ITPR2: variants seen among roughly 807,000 people sequenced by gnomAD.
The protein encoded by ITPR2 is inositol 1,4,5-trisphosphate receptor type 2.
Under a neutral mutation model 317.1 loss-of-function variants are expected in ITPR2, and 207 were observed. The observed-to-expected ratio is 0.65, with a 90% confidence interval of 0.58 to 0.73. ITPR2 has a LOEUF of 0.73. Ranked by LOEUF, ITPR2 falls within the 30% of genes least tolerant of loss-of-function variation. The pLI is 0.00. For synonymous variants in ITPR2, 1,156 were observed against 1,149.1 expected, an observed-to-expected ratio of 1.01 and a Z score of -0.12; for missense variants, 2,613 against 3,284.0, an observed-to-expected ratio of 0.80 and a Z score of 4.99.
At chr12:26,418,779 G>C in intron 50 of ITPR2, among the ~76,000 whole-genome samples, 1 of 152,126 alleles carries the variant, frequency 6.6e-6, no homozygotes, top group Admixed American at 6.6e-5. Flanking sequence ...AGCAAAAGCA[G>C]CCCTTGTCAT....
At chr12:26,734,646 AAC>A (rs139712404) in intron 2 of ITPR2, among the ~76,000 whole-genome samples, 9,265 of 152,012 alleles carry the variant, frequency 0.061, 362 homozygotes, top group African/African-American at 0.12. Flanking sequence ...AAAAAAGTCT[AAC>A]ACAGGGTATT....
chr12:26,624,256 T>G, intron 24 of ITPR2, 43 bp downstream of exon 24: 1 of 1,271,254 alleles, frequency 7.9e-7, no homozygotes, highest in Non-Finnish European at 1.1e-6. Context: ...CTAAGTAAAA[T>G]GTTATTCACA....
At chr12:26,816,181 T>C (rs1950849489) in intron 1 of ITPR2, among the ~76,000 whole-genome samples, 7 of 151,762 alleles carry the variant, frequency 4.6e-5, no homozygotes, top group Admixed American at 4.6e-4. Context: ...AATATTAACT[T>C]AGCCAAGCTT....
intron 43 of ITPR2, among the ~76,000 whole-genome samples, chr12:26,479,499 A>C (rs1036866954): frequency 6.6e-6 from 1 of 152,260 alleles, no homozygotes; most frequent in Non-Finnish European, 1.5e-5. Context: ...AAGGATTTTA[A>C]AAGCCAAAGA....
chr12:26,556,792 A>AAGAT (rs1555155254), intron 35 of ITPR2, among the ~76,000 whole-genome samples: 12 of 145,944 alleles, frequency 8.2e-5, no homozygotes, highest in South Asian at 2.2e-4. Flanking sequence ...AAAAAAAAAA[A>AAGAT]TTCCAGCCAG....
chr12:26,583,523 A>C (rs1016788722), intron 32 of ITPR2, among the ~76,000 whole-genome samples: 1 of 152,090 alleles, frequency 6.6e-6, no homozygotes, highest in African/African-American at 2.4e-5. Context: ...AAGAAGAAAA[A>C]AACTCCCTCT....
chr12:26,605,403 G>C (rs948710553), intron 26 of ITPR2, among the ~76,000 whole-genome samples: 1 of 151,802 alleles, frequency 6.6e-6, no homozygotes, highest in Non-Finnish European at 1.5e-5. Context: ...TTTTCTGTAA[G>C]AGAAGAAATA....
chr12:26,661,287 G>T (rs1433924676), intron 15 of ITPR2, among the ~76,000 whole-genome samples: 1 of 87,584 alleles, frequency 1.1e-5, no homozygotes, highest in Non-Finnish European at 2.3e-5. Flanking sequence ...GGGGGGGGGG[G>T]GTGGGAGGGA....
intron 51 of ITPR2, among the ~76,000 whole-genome samples, chr12:26,412,669 G>C (rs1940585968): frequency 6.6e-6 from 1 of 152,018 alleles, no homozygotes; most frequent in Non-Finnish European, 1.5e-5. Context: ...GTGAATTCTA[G>C]GAGGGGGAAA....
chr12:26,350,337 G>A (rs1325590930), intron 55 of ITPR2, among the ~76,000 whole-genome samples: 4 of 152,140 alleles, frequency 2.6e-5, no homozygotes, highest in Non-Finnish European at 2.9e-5. Flanking sequence ...CCAGACCAGC[G>A]GGGGAGTTGG....
At chr12:26,668,807 C>CA (rs5797189) in intron 13 of ITPR2, among the ~76,000 whole-genome samples, 1,897 of 148,170 alleles carry the variant, frequency 0.013, 45 homozygotes, top group African/African-American at 0.043. Context: ...GTGGATATAC[C>CA]AAAAAAAAAA....
chr12:26,400,040 T>C, intron 53 of ITPR2, 88 bp downstream of exon 53: 1 of 1,390,852 alleles, frequency 7.2e-7, no homozygotes, highest in Non-Finnish European at 9.6e-7. Flanking sequence ...TATATTTTCC[T>C]GAAAACCAAA....
intron 23 of ITPR2, chr12:26,627,202 G>C (rs1679088179): frequency 6.6e-6 from 1 of 152,174 alleles, no homozygotes; most frequent in African/African-American, 2.4e-5. Flanking sequence ...AGTCTTTGGG[G>C]AATGCCACGT....
chr12:26,589,593 GGT>G (rs1945631589), intron 32 of ITPR2, among the ~76,000 whole-genome samples: 2 of 150,504 alleles, frequency 1.3e-5, no homozygotes, highest in Admixed American at 1.3e-4. Context: ...TCGAGACCAG[GGT>G]GGCCAACATG....
intron 1 of ITPR2, 85 bp from the exon 2 acceptor site, chr12:26,790,312 T>C: frequency 1.9e-6 from 2 of 1,050,172 alleles, no homozygotes; most frequent in Admixed American, 2.0e-5. Flanking sequence ...CATAAATATT[T>C]ACCAAAAGTT....
intron 2 of ITPR2, among the ~76,000 whole-genome samples, chr12:26,771,242 A>T (rs1949837161): frequency 6.6e-6 from 1 of 152,214 alleles, no homozygotes; most frequent in Admixed American, 6.5e-5. Context: ...AAGCTATATG[A>T]CTATGAGATA....
At chr12:26,624,193 G>T (rs1946564654) in intron 24 of ITPR2, 106 bp downstream of exon 24, 4 of 742,468 alleles carry the variant, frequency 5.4e-6, no homozygotes, top group Admixed American at 2.6e-5. Flanking sequence ...AACAATAGAG[G>T]GTCTAAAAAT....
intron 21 of ITPR2, among the ~76,000 whole-genome samples, chr12:26,648,241 C>T (rs1947159519): frequency 6.6e-6 from 1 of 152,168 alleles, no homozygotes; most frequent in Non-Finnish European, 1.5e-5. Context: ...GCCACTGAGG[C>T]TGGCAAAAAA....
chr12:26,378,153 A>G (rs1052674827), intron 55 of ITPR2, among the ~76,000 whole-genome samples: 1 of 152,130 alleles, frequency 6.6e-6, no homozygotes, highest in African/African-American at 2.4e-5. Flanking sequence ...TATGGTACTG[A>G]TGAAGAATAA....
Sources: gnomAD v4.1 joint callset for allele counts (sites outside exome capture counted in the v4.1 genomes callset) on GRCh38, gnomAD v4.1.1 for gene constraint, MANE v1.5 for transcripts, NCBI Gene and HGNC (gene_info 2026-07-23, HGNC 2026-07-21) for gene names.